ERF: variants seen among roughly 807,000 people sequenced by gnomAD.
The protein encoded by ERF is ETS2 repressor factor.
A neutral mutation model predicts 41.6 loss-of-function variants in ERF; 10 were observed. The observed-to-expected ratio is 0.24, with a 90% confidence interval of 0.15 to 0.41. The LOEUF (loss-of-function observed/expected upper bound fraction) is 0.41, where lower values mean the gene tolerates loss of function less well. Ranked by LOEUF, ERF falls within the 10% of genes least tolerant of loss-of-function variation. The pLI, the probability that ERF is intolerant of heterozygous loss-of-function variation, is 1.00. For synonymous variants in ERF, 395 were observed against 342.4 expected (o/e 1.15, Z -1.70); for missense variants, 621 against 763.2 (o/e 0.81, Z 2.19).
In ERF at chr19:42,250,055, G is replaced by T; in HGVS notation, c.258-113C>A. The stretch of plus-strand genomic sequence containing the variant: ...CCCAAAGGCCAACTGAGGAACGTAG[G>T]CCACAAAAGACAAATCAAGTGCCCA... On this transcript the variant is annotated intron_variant, in intron 2 of 3. Transcript: ENST00000222329. This position sits in a 1 kb window ranked among gnomAD's most constrained non-coding sequence, Gnocchi z 5.1. 1 of 1,068,652 alleles carries T rather than the reference G, an allele frequency of 9.4e-7. No individual in the cohort carries two copies. The highest frequency in any genetic ancestry group is 1.4e-6 in the Non-Finnish European group (1 of 695,532). The allele number at this position is 1,068,652 out of a possible 1,614,324, so 66.2% of individuals were successfully genotyped here.
rs35578793 is a variant in ERF, at chr19:42,249,439, G to A, written c.673C>T (p.Leu225=). 3.2e-4 allele frequency: 504 copies of A among 1,594,508 alleles called. 1 individual carries two copies. Among genetic ancestry groups the A allele is most frequent in the Admixed American group, 1.4e-4 (8 of 57,592 alleles). The change falls in exon 4 of 4, where the codon CTG becomes TTG. Residue 225 remains leucine, a synonymous_variant. Coordinates refer to ENST00000222329, the MANE Select transcript of ERF (RefSeq NM_006494.4). The surrounding 1 kb of genome is among the most constrained non-coding windows in gnomAD (Gnocchi z 8.6). ...GAFRGPPLAR[L]PHDPGVFRVY... ...CGGAAGACACCAGGGTCATGGGGCA[G>A]GCGGGCCAGCGGGGGCCCTCGGAAG...
Position 42,249,636 on chromosome 19 carries a change from G to C in ERF, c.476C>G (p.Pro159Arg). ...PSEVLSPTED[P>R]RSPPACSSSS... ...TGAAGAGCAGGCTGGTGGTGAGCGGGGGTCCTCGGTGGGGGACAGCACCTC... is the reference window on the plus strand; with the variant it reads ...TGAAGAGCAGGCTGGTGGTGAGCGGCGGTCCTCGGTGGGGGACAGCACCTC... Residue 159 changes from proline to arginine, a missense_variant, in exon 4 of 4, where the codon CCC (proline) becomes CGC (arginine). By Grantham distance (103) the Pro-to-Arg change is moderately radical (BLOSUM62 -2). Transcript: ENST00000222329. This position sits in a 1 kb window ranked among gnomAD's most constrained non-coding sequence, Gnocchi z 8.6. The C allele has an allele frequency of 6.2e-7, 1 of 1,611,742 alleles. No homozygotes were observed. The highest frequency in any genetic ancestry group is 8.5e-7 in the Non-Finnish European group (1 of 1,179,044).
At position 42,249,786 on chromosome 19, in the gene ERF, G is replaced by A. The variant is rs553368620; in HGVS notation, c.373+41C>T. 8 of 1,614,028 alleles carry A rather than the reference G, an allele frequency of 5.0e-6. No homozygotes were observed. The highest frequency in any genetic ancestry group is 4.0e-5 in the African/African-American group (3 of 75,026). On this transcript the variant is annotated intron_variant, in intron 3 of 3. Coordinates refer to ENST00000222329, the MANE Select transcript of ERF (RefSeq NM_006494.4). This position sits in a 1 kb window ranked among gnomAD's most constrained non-coding sequence, Gnocchi z 8.6. ...AAGGCCCCTGGCCTAGCCTGAAGGG[G>A]CATGTAGACCCTCTCCACACCAACC...
chr19:42,248,258 A>C lies in ERF; in HGVS notation c.*207T>G. ...CCAGAGCTTAGAAACCCACAGAGAC[A>C]GGGAATAGCCCCTAGCCCTGGGCAC... On this transcript the variant is annotated 3_prime_UTR_variant, in exon 4 of 4. Transcript: ENST00000222329. This position sits in a 1 kb window ranked among gnomAD's most constrained non-coding sequence, Gnocchi z 4.2. 4.8e-6 allele frequency: 1 copy of C among 206,316 alleles called. No homozygotes were observed. Among genetic ancestry groups the C allele is most frequent in the Admixed American group, 6.1e-5 (1 of 16,352 alleles). 12.8% of individuals were successfully genotyped at this position (206,316 alleles called of 1,614,324 possible). A position where few individuals can be genotyped will look rare whatever the true frequency, so the allele number is the denominator to read the frequency against.
chr19:42,248,451 C>G lies in ERF; in HGVS notation c.*14G>C, dbSNP rs2036369006. 3 of 1,480,288 alleles carry G rather than the reference C, an allele frequency of 2.0e-6. No homozygotes were observed. In the East Asian group the frequency reaches 7.1e-5, roughly 35 times the overall value. The allele number at this position is 1,480,288 out of a possible 1,614,324, so 91.7% of individuals were successfully genotyped here. ...TGGGGGGTGCGGGGCACACAGGTCC[C>G]CTGCCCACAGCCCTCAGGAGTCTCG... is the stretch of plus-strand genomic sequence containing the variant. On this transcript the variant is annotated 3_prime_UTR_variant, in exon 4 of 4. Transcript: ENST00000222329. The surrounding 1 kb of genome is among the most constrained non-coding windows in gnomAD (Gnocchi z 4.2).
rs538318687 is a variant in ERF at position 42,249,778 on chromosome 19, C to G, written c.374-40G>C. 9.9e-6 allele frequency: 16 copies of G among 1,613,904 alleles called. No homozygotes were observed. The highest frequency in any genetic ancestry group is 9.9e-5 in the South Asian group (9 of 91,072). ...ACAGTGTCAAGGCCCCTGGCCTAGC[C>G]TGAAGGGGCATGTAGACCCTCTCCA... On this transcript the variant is annotated intron_variant, in intron 3 of 3. Transcript: ENST00000222329. This position sits in a 1 kb window ranked among gnomAD's most constrained non-coding sequence, Gnocchi z 8.6.
intron 1 of ERF, among the ~76,000 whole-genome samples, chr19:42,252,111 G>A (rs1599826419): frequency 6.6e-6 from 1 of 152,272 alleles, no homozygotes; most frequent in Non-Finnish European, 1.5e-5. Context: ...CCCTTCTAGA[G>A]AATCCAGATC....
chr19:42,249,064 G>T lies in ERF; in HGVS notation c.1048C>A (p.Leu350Met), dbSNP rs370719643. Residue 350 changes from leucine to methionine, a missense_variant, in exon 4 of 4, where the codon CTG (leucine) becomes ATG (methionine). Around this residue, in one of 3 missense-constraint regions of ERF, gnomAD observed 569 missense variants for 625.5 expected, o/e 0.91. Coordinates refer to ENST00000222329, the MANE Select transcript of ERF (RefSeq NM_006494.4). This position sits in a 1 kb window ranked among gnomAD's most constrained non-coding sequence, Gnocchi z 8.6. ...PQPQRPDKCP[L>M]PPMAPETPPV... The stretch of plus-strand genomic sequence containing the variant: ...GGGGTCTCGGGTGCCATGGGCGGCA[G>T]CGGGCACTTGTCAGGGCGCTGGGGC... 15 of 1,612,934 alleles carry T rather than the reference G, an allele frequency of 9.3e-6. No individual in the cohort carries two copies. The African/African-American group carries it at 2.0e-4, about 22-fold the overall frequency.
At chr19:42,254,222 G>A (rs537576572) in intron 1 of ERF, among the ~76,000 whole-genome samples, 1 of 151,790 alleles carries the variant, frequency 6.6e-6, no homozygotes, top group Admixed American at 6.5e-5. Flanking sequence ...GGATCCGGGA[G>A]GGGGGGCGAG....
At chr19:42,253,785 T>C in intron 1 of ERF, 1 of 564,670 alleles carries the variant, frequency 1.8e-6, no homozygotes, top group Non-Finnish European at 2.0e-6. Flanking sequence ...GGGATGGGAA[T>C]GGGGTGGGAA....
At chr19:42,252,371 C>A (rs1229853927) in intron 1 of ERF, among the ~76,000 whole-genome samples, 1 of 151,570 alleles carries the variant, frequency 6.6e-6, no homozygotes, top group Non-Finnish European at 1.5e-5. Flanking sequence ...CCCTTCCCAG[C>A]CCACCCGCCC....
chr19:42,254,859 G>A (rs1480887543), intron 1 of ERF, 119 bp downstream of exon 1: 21 of 1,182,478 alleles, frequency 1.8e-5, no homozygotes, highest in Non-Finnish European at 2.2e-5. Context: ...GTGCTTGAGG[G>A]GTCCCCCAGA....
rs752343403 is a variant in ERF at position 42,248,916 on chromosome 19, GCACCGGCTA to G, written c.1187_1195del (p.Val396_Gly398del). ...GCCTGCACTGCCACCGCTCTTGTCA[GCACCGGCTA>G]CGGCCTTCTCCCCAGCTGCCCGCTG... On this transcript the variant is annotated inframe_deletion, in exon 4 of 4. Coordinates refer to ENST00000222329, the MANE Select transcript of ERF (RefSeq NM_006494.4). The surrounding 1 kb of genome is among the most constrained non-coding windows in gnomAD (Gnocchi z 4.2). The G allele has an allele frequency of 1.9e-6, 3 of 1,607,224 alleles. No homozygotes were observed. In the South Asian group the frequency reaches 3.3e-5, roughly 18 times the overall value.
intron 1 of ERF, chr19:42,251,240 C>T: frequency 1.0e-6 from 1 of 986,104 alleles, no homozygotes; most frequent in Non-Finnish European, 1.2e-6. Flanking sequence ...CCTCCCCAGA[C>T]CCAGGCATCC....
chr19:42,249,082 G>A lies in ERF; in HGVS notation c.1030C>T (p.Arg344Cys), dbSNP rs1395870549. The A allele has an allele frequency of 8.1e-6, 13 of 1,613,238 alleles. No individual in the cohort carries two copies. The highest frequency in any genetic ancestry group is 1.1e-5 in the Non-Finnish European group (13 of 1,179,588). Residue 344 changes from arginine (R) to cysteine (C), a missense_variant, in exon 4 of 4, where the codon CGC becomes TGC. Coordinates refer to ENST00000222329, the MANE Select transcript of ERF (RefSeq NM_006494.4). The surrounding 1 kb of genome is among the most constrained non-coding windows in gnomAD (Gnocchi z 8.6). ...YPGLVVPQPQ[R>C]PDKCPLPPMA... ...GGCGGCAGCGGGCACTTGTCAGGGC[G>A]CTGGGGCTGGGGCACCACCAGCCCA...
Position 42,250,848 on chromosome 19 carries a change from A to G in ERF, c.23-283T>C, listed in dbSNP as rs1238428691. ...GTCCCGGGGCCAGTGCCAGGGGGCC[A>G]GGCACCAAGCCAGGCTGGCGGGCAG... On this transcript the variant is annotated intron_variant, in intron 1 of 3. Coordinates refer to ENST00000222329, the MANE Select transcript of ERF (RefSeq NM_006494.4). This position sits in a 1 kb window ranked among gnomAD's most constrained non-coding sequence, Gnocchi z 5.1. Among the ~76,000 whole-genome samples the G allele has an allele frequency of 6.6e-6, 1 of 152,010 alleles. No individual in the cohort carries two copies. Among genetic ancestry groups the G allele is most frequent in the Non-Finnish European group, 1.5e-5 (1 of 67,984 alleles).
In ERF at chr19:42,249,078, G is replaced by A. The variant is rs1265977248; in HGVS notation, c.1034C>T (p.Pro345Leu). 2 of 1,613,308 alleles carry A rather than the reference G, an allele frequency of 1.2e-6. No individual in the cohort carries two copies. The highest frequency in any genetic ancestry group is 1.7e-6 in the Non-Finnish European group (2 of 1,179,790). ...PGLVVPQPQR[P>L]DKCPLPPMAP... Reference sequence around the variant, plus strand: ...CATGGGCGGCAGCGGGCACTTGTCAGGGCGCTGGGGCTGGGGCACCACCAG... The same window carrying A: ...CATGGGCGGCAGCGGGCACTTGTCAAGGCGCTGGGGCTGGGGCACCACCAG... Residue 345 changes from proline (P) to leucine (L), a missense_variant, in exon 4 of 4, where the codon CCT becomes CTT. Pro to Leu is a moderately conservative substitution (Grantham distance 98). Coordinates refer to ENST00000222329, the MANE Select transcript of ERF (RefSeq NM_006494.4). This position sits in a 1 kb window ranked among gnomAD's most constrained non-coding sequence, Gnocchi z 8.6.
At chr19:42,253,362 G>A (rs927105350) in intron 1 of ERF, among the ~76,000 whole-genome samples, 7 of 152,178 alleles carry the variant, frequency 4.6e-5, no homozygotes, top group African/African-American at 1.7e-4. Flanking sequence ...CAGGCCAGGA[G>A]GCAGACGGGA....
intron 1 of ERF, among the ~76,000 whole-genome samples, chr19:42,253,667 C>T (rs2036482707): frequency 6.6e-6 from 1 of 152,078 alleles, no homozygotes; most frequent in Non-Finnish European, 1.5e-5. Flanking sequence ...CGCACCCCGG[C>T]CCCACCCCCA....
Sources: gnomAD v4.1 joint callset for allele counts (sites outside exome capture counted in the v4.1 genomes callset) on GRCh38, gnomAD v4.1.1 for gene constraint, gnomAD v4.1.1 regional missense constraint, Gnocchi (gnomAD v3.1) non-coding constraint, MANE v1.5 for transcripts, NCBI Gene and HGNC (gene_info 2026-07-23, HGNC 2026-07-21) for gene names.